Variants in DPH6 observed in about 807,000 individuals in gnomAD.
DPH6 encodes the protein diphthamine biosynthesis 6, also known as diphthine--ammonia ligase.
A neutral mutation model predicts 38.2 loss-of-function variants in DPH6; 33 were observed. The observed-to-expected ratio is 0.86, with a 90% confidence interval of 0.65 to 1.15. The LOEUF (loss-of-function observed/expected upper bound fraction) is 1.15, where lower values mean the gene tolerates loss of function less well. Among genes scored for constraint, DPH6 ranks in the 50% most tolerant of loss-of-function variants. The pLI, the probability that DPH6 is intolerant of heterozygous loss-of-function variation, is 0.00. For synonymous variants in DPH6, 108 were observed against 103.0 expected, an observed-to-expected ratio of 1.05 and a Z score of -0.30; for missense variants, 325 against 320.0, an observed-to-expected ratio of 1.02 and a Z score of -0.12.
chr15:35,264,994 T>A (rs2051774150), intron 3 of DPH6, among the ~76,000 whole-genome samples: 1 of 152,124 alleles, frequency 6.6e-6, no homozygotes, highest in Non-Finnish European at 1.5e-5. Context: ...TGAAAGTACA[T>A]TACACTCCGA....
At chr15:35,488,631 T>C (rs994589448) in intron 3 of DPH6, among the ~76,000 whole-genome samples, 10 of 152,060 alleles carry the variant, frequency 6.6e-5, no homozygotes, top group African/African-American at 1.4e-4. Flanking sequence ...CTCTGACACA[T>C]GGGGATTACA....
chr15:35,305,751 T>C (rs1010975146), intron 3 of DPH6, among the ~76,000 whole-genome samples: 2 of 152,166 alleles, frequency 1.3e-5, no homozygotes, highest in African/African-American at 4.8e-5. Context: ...TTTGTTTTTT[T>C]ATAGCCATCA....
At chr15:35,526,128 C>A (rs1358009069) in intron 3 of DPH6, among the ~76,000 whole-genome samples, 4 of 152,124 alleles carry the variant, frequency 2.6e-5, no homozygotes, top group African/African-American at 9.7e-5. Flanking sequence ...ATGAAAGGCT[C>A]AAAGGGAAGA....
intron 3 of DPH6, among the ~76,000 whole-genome samples, chr15:35,332,458 A>G (rs969995210): frequency 1.3e-5 from 2 of 152,192 alleles, no homozygotes; most frequent in African/African-American, 4.8e-5. Flanking sequence ...CTCAATAAAG[A>G]ACAATCTGGC....
intron 4 of DPH6, among the ~76,000 whole-genome samples, chr15:35,452,906 G>C (rs144956748): frequency 1.5e-3 from 223 of 152,256 alleles, no homozygotes; most frequent in African/African-American, 5.2e-3. Context: ...AAGAGATTTT[G>C]AGGAATTTCA....
At chr15:35,237,540 G>T in intron 3 of DPH6, 1 of 1,551,398 alleles carries the variant, frequency 6.4e-7, no homozygotes, top group East Asian at 2.2e-5. Context: ...CTTGAACTAA[G>T]CGATAACAGA....
intron 1 of DPH6, among the ~76,000 whole-genome samples, chr15:35,543,258 TAATATATA>T (rs1488866940): frequency 0.015 from 1,379 of 92,582 alleles, 23 homozygotes; most frequent in Non-Finnish European, 0.018. Flanking sequence ...CACATACACA[TAATATATA>T]TATATATATA....
intron 2 of DPH6, 46 bp from the exon 3 acceptor site, chr15:35,538,513 G>A (rs761178688): frequency 6.4e-6 from 9 of 1,408,310 alleles, no homozygotes; most frequent in South Asian, 3.5e-5. Flanking sequence ...GAGTGAAAAA[G>A]AAAGCGGATT....
At chr15:35,213,424 AAC>A (rs1183031938), downstream of DPH6, among the ~76,000 whole-genome samples, 1 of 152,250 alleles carries the variant, frequency 6.6e-6, no homozygotes, top group Admixed American at 6.5e-5. Context: ...CTTTTGTTAT[AAC>A]ACACGTTTTT....
At chr15:35,375,162 G>T (rs1224736868) in intron 7 of DPH6, among the ~76,000 whole-genome samples, 1 of 151,882 alleles carries the variant, frequency 6.6e-6, no homozygotes, top group Non-Finnish European at 1.5e-5. Flanking sequence ...AGGGTTTTAG[G>T]TCCTCCCTTC....
chr15:35,388,160 G>A (rs2140952193), intron 6 of DPH6, among the ~76,000 whole-genome samples: 1 of 152,266 alleles, frequency 6.6e-6, no homozygotes, highest in African/African-American at 2.4e-5. Flanking sequence ...ATTTTCATAT[G>A]TTGAACCAGC....
At chr15:35,301,361 A>C (rs1246097997) in intron 3 of DPH6, among the ~76,000 whole-genome samples, 1 of 152,256 alleles carries the variant, frequency 6.6e-6, no homozygotes, top group Non-Finnish European at 1.5e-5. Flanking sequence ...ATGAAAGCTC[A>C]GACAATATCT....
intron 3 of DPH6, among the ~76,000 whole-genome samples, chr15:35,307,603 T>C (rs1398933515): frequency 6.6e-6 from 1 of 152,206 alleles, no homozygotes; most frequent in Non-Finnish European, 1.5e-5. Flanking sequence ...TTAACTTTAC[T>C]TGTATATAAA....
chr15:35,146,109 GTGTA>G, the DPH6 span, among the ~76,000 whole-genome samples: 28 of 119,266 alleles, frequency 2.3e-4, no homozygotes, highest in African/African-American at 7.4e-4. Flanking sequence ...GTGTGTGTGT[GTGTA>G]TACATACATG....
At chr15:35,544,969 T>A (rs1391395852) in intron 1 of DPH6, among the ~76,000 whole-genome samples, 1 of 152,208 alleles carries the variant, frequency 6.6e-6, no homozygotes. Flanking sequence ...GGACATTTAC[T>A]GAACAACAAT....
chr15:35,545,701 G>A (rs571032565), intron 1 of DPH6, among the ~76,000 whole-genome samples: 4 of 152,096 alleles, frequency 2.6e-5, no homozygotes. Context: ...GGGAAAGGGC[G>A]AGGGTTATTA....
At chr15:35,542,688 G>A (rs1277195729) in intron 1 of DPH6, among the ~76,000 whole-genome samples, 181 bp from the exon 2 acceptor site, 1 of 150,338 alleles carries the variant, frequency 6.7e-6, no homozygotes, top group African/African-American at 2.5e-5. Context: ...TGAATGTCTA[G>A]GGCTGCTACT....
intron 3 of DPH6, among the ~76,000 whole-genome samples, chr15:35,307,204 C>T (rs558412582): frequency 2.6e-5 from 4 of 152,166 alleles, no homozygotes; most frequent in South Asian, 2.1e-4. Context: ...TTAACATCCC[C>T]GTTGAGGGCA....
intron 3 of DPH6, among the ~76,000 whole-genome samples, chr15:35,363,824 TG>T (rs1489173684): frequency 6.6e-6 from 1 of 151,996 alleles, no homozygotes; most frequent in Non-Finnish European, 1.5e-5. Context: ...CTAGAATTTA[TG>T]ACATGTTATC....
Sources: gnomAD v4.1 joint callset for allele counts (sites outside exome capture counted in the v4.1 genomes callset) on GRCh38, gnomAD v4.1.1 for gene constraint, MANE v1.5 for transcripts, NCBI Gene and HGNC (gene_info 2026-07-23, HGNC 2026-07-21) for gene names.